The following PAQR5 variants were observed in gnomAD, a reference collection of about 807,000 sequenced individuals.
PAQR5 encodes progestin and adipoQ receptor family member 5.
PAQR5 carries 20 observed loss-of-function variants against 34.5 expected under a neutral mutation model. That is an observed-to-expected ratio of 0.58 (90% confidence interval 0.41 to 0.84). The LOEUF is 0.84. PAQR5 is among the 40% of genes least tolerant of loss of function. PAQR5 has a pLI of 0.00. For synonymous variants in PAQR5, 131 were observed against 155.6 expected (o/e 0.84, Z 1.18); for missense variants, 378 against 412.7 (o/e 0.92, Z 0.73).
intron 8 of PAQR5, chr15:69,400,953 G>A (rs2056607824): frequency 6.6e-6 from 1 of 152,230 alleles, no homozygotes; most frequent in African/African-American, 2.4e-5. Context: ...GAAACGCCAG[G>A]AGTGAAACCC....
chr15:69,372,768 C>T (rs9635369), intron 3 of PAQR5, among the ~76,000 whole-genome samples: 144,195 of 152,180 alleles, frequency 0.95, 68,820 homozygotes, highest in South Asian at 1. Flanking sequence ...CCAATCACTT[C>T]TCCTAGTAAG....
chr15:69,400,483 T>C (rs1162801049), intron 8 of PAQR5, among the ~76,000 whole-genome samples: 1 of 152,140 alleles, frequency 6.6e-6, no homozygotes, highest in Non-Finnish European at 1.5e-5. Context: ...TACTTGAGAC[T>C]GTGCTCAAGA....
intron 1 of PAQR5, among the ~76,000 whole-genome samples, chr15:69,303,465 G>A (rs1401673725): frequency 2.0e-5 from 3 of 151,980 alleles, no homozygotes; most frequent in African/African-American, 7.3e-5. Flanking sequence ...TCCCAGGGTT[G>A]CTCTCCCAAG....
chr15:69,311,188 T>C (rs2053827196), intron 1 of PAQR5, among the ~76,000 whole-genome samples: 1 of 151,546 alleles, frequency 6.6e-6, no homozygotes, highest in South Asian at 2.1e-4. Flanking sequence ...GGAAGGGAGA[T>C]ACCTCGCTGT....
intron 8 of PAQR5, among the ~76,000 whole-genome samples, chr15:69,402,216 C>T (rs537817221): frequency 8.5e-5 from 13 of 152,314 alleles, no homozygotes; most frequent in East Asian, 1.9e-4. Context: ...TAGGCTTCTC[C>T]GGAGGCCTCT....
intron 2 of PAQR5, among the ~76,000 whole-genome samples, chr15:69,348,213 G>GA (rs1254659141): frequency 6.6e-6 from 1 of 152,270 alleles, no homozygotes; most frequent in South Asian, 2.1e-4. Context: ...TTTCCTGCCT[G>GA]AAAATTAATA....
intron 8 of PAQR5, among the ~76,000 whole-genome samples, chr15:69,402,098 G>T (rs1156335617): frequency 6.6e-6 from 1 of 152,024 alleles, no homozygotes; most frequent in Non-Finnish European, 1.5e-5. Flanking sequence ...GCATTAGTTT[G>T]CTAGGGCTGC....
chr15:69,325,451 G>A (rs890888126), intron 1 of PAQR5, among the ~76,000 whole-genome samples: 13 of 110,550 alleles, frequency 1.2e-4, no homozygotes, highest in Non-Finnish European at 1.8e-4. Flanking sequence ...TAGATGTGCC[G>A]CGTGGCAATT....
intron 2 of PAQR5, among the ~76,000 whole-genome samples, chr15:69,346,297 ATTTTT>A (rs34728909): frequency 3.9e-4 from 32 of 81,492 alleles, no homozygotes; most frequent in Admixed American, 6.0e-4. Context: ...ATATTTTGTA[ATTTTT>A]TTTTTTTTTT....
At position 69,407,494 on chromosome 15, in the gene PAQR5, T is replaced by C. The variant is rs1373312272; in HGVS notation, c.*3672T>C. On this transcript the variant is annotated 3_prime_UTR_variant, in exon 9 of 9. Transcript: ENST00000395407. Reference sequence around the variant, plus strand: ...TACAACAACACTTCAAAACATATTATTTGAATTTCGGCCTCTGATTTTCTA... The same window carrying C: ...TACAACAACACTTCAAAACATATTACTTGAATTTCGGCCTCTGATTTTCTA... The C allele has an allele frequency of 6.6e-6, 1 of 152,224 alleles. No individual in the cohort carries two copies. Among genetic ancestry groups the C allele is most frequent in the Admixed American group, 6.5e-5 (1 of 15,286 alleles). 9.4% of individuals were successfully genotyped at this position (152,224 alleles called of 1,614,324 possible). A position where few individuals can be genotyped will look rare whatever the true frequency, so the allele number is the denominator to read the frequency against.
intron 1 of PAQR5, among the ~76,000 whole-genome samples, chr15:69,309,009 G>A (rs1310229073): frequency 6.6e-6 from 1 of 152,152 alleles, no homozygotes; most frequent in Non-Finnish European, 1.5e-5. Context: ...ACTAGAAGCT[G>A]GTGAATTACA....
At chr15:69,391,488 G>A (rs534626063) in intron 6 of PAQR5, 25 of 294,078 alleles carry the variant, frequency 8.5e-5, no homozygotes, top group South Asian at 6.5e-4. Context: ...ATGAAGGGAG[G>A]TATAACAGAT....
At chr15:69,391,735 G>A (rs1196844020) in intron 6 of PAQR5, 1 of 455,480 alleles carries the variant, frequency 2.2e-6, no homozygotes, top group East Asian at 7.0e-5. Flanking sequence ...AGAGGAGGAA[G>A]AGAAGGCTTC....
intron 1 of PAQR5, among the ~76,000 whole-genome samples, chr15:69,308,030 G>A (rs1462471816): frequency 6.6e-6 from 1 of 152,228 alleles, no homozygotes; most frequent in African/African-American, 2.4e-5. Flanking sequence ...AGTGTGAAAA[G>A]GCATTGCAGA....
intron 1 of PAQR5, among the ~76,000 whole-genome samples, chr15:69,328,046 G>T (rs939291838): frequency 2.6e-5 from 4 of 152,120 alleles, no homozygotes; most frequent in Non-Finnish European, 4.4e-5. Flanking sequence ...CTCCCAAAGT[G>T]CTGGGATTAC....
At chr15:69,310,876 A>C in intron 1 of PAQR5, among the ~76,000 whole-genome samples, 1 of 151,622 alleles carries the variant, frequency 6.6e-6, no homozygotes, top group African/African-American at 2.4e-5. Context: ...GTCTCTACTA[A>C]AAATACAAAA....
chr15:69,310,897 G>A (rs980674410), intron 1 of PAQR5, among the ~76,000 whole-genome samples: 1 of 151,598 alleles, frequency 6.6e-6, no homozygotes, highest in Non-Finnish European at 1.5e-5. Flanking sequence ...AAATTAGCCG[G>A]GTGTGGTGGC....
chr15:69,358,679 T>G (rs1341306722), intron 2 of PAQR5, among the ~76,000 whole-genome samples: 2 of 149,054 alleles, frequency 1.3e-5, no homozygotes, highest in African/African-American at 5.0e-5. Flanking sequence ...TTGCTCTGGC[T>G]GGAGTGCAGT....
chr15:69,332,010 G>A (rs1032293680), intron 1 of PAQR5, among the ~76,000 whole-genome samples: 10 of 152,190 alleles, frequency 6.6e-5, no homozygotes, highest in Non-Finnish European at 1.2e-4. Flanking sequence ...TGCAGAGAAA[G>A]AGAACCCAGA....
Sources: gnomAD v4.1 joint callset for allele counts (sites outside exome capture counted in the v4.1 genomes callset) on GRCh38, gnomAD v4.1.1 for gene constraint, MANE v1.5 for transcripts, NCBI Gene and HGNC (gene_info 2026-07-23, HGNC 2026-07-21) for gene names.